The following APOL2 variants were observed in gnomAD, a reference collection of about 807,000 sequenced individuals.
APOL2 encodes the protein apolipoprotein L, 2.
APOL2 carries 8 observed loss-of-function variants against 7.1 expected under a neutral mutation model. The ratio of observed to expected loss-of-function variants is 1.12; its 90% CI spans 0.66 to 2.03. The LOEUF (loss-of-function observed/expected upper bound fraction) is 2.03. Among genes scored for constraint, APOL2 ranks in the 30% most tolerant of loss-of-function variants. The pLI is 0.00. For synonymous variants in APOL2, 177 were observed against 159.9 expected (o/e 1.11, Z -0.81); for missense variants, 471 against 415.1 (o/e 1.13, Z -1.17).
chr22:36,233,829 T>C (rs2015312608), intron 1 of APOL2, among the ~76,000 whole-genome samples: 1 of 152,200 alleles, frequency 6.6e-6, no homozygotes, highest in South Asian at 2.1e-4. Flanking sequence ...AAATATACAA[T>C]ATTGAGTCAT....
intron 3 of APOL2, among the ~76,000 whole-genome samples, chr22:36,231,833 C>T (rs2015236740): frequency 6.6e-6 from 1 of 152,182 alleles, no homozygotes. Flanking sequence ...AGAGAGTCCT[C>T]CCAAGGCTCC....
intron 1 of APOL2, chr22:36,236,939 G>T: frequency 7.6e-7 from 1 of 1,323,874 alleles, no homozygotes; most frequent in Non-Finnish European, 9.6e-7. Context: ...TTCCTGCTTT[G>T]TTCACTCTGT....
At chr22:36,230,932 C>A (rs879849585) in intron 4 of APOL2, among the ~76,000 whole-genome samples, 1 of 152,218 alleles carries the variant, frequency 6.6e-6, no homozygotes, top group East Asian at 1.9e-4. Flanking sequence ...AGATCCTTAA[C>A]CCTGGTCTCT....
chr22:36,232,630 G>A (rs747680592), intron 3 of APOL2, among the ~76,000 whole-genome samples: 18 of 152,282 alleles, frequency 1.2e-4, no homozygotes, highest in Middle Eastern at 3.4e-3. Flanking sequence ...AGGCCAGACC[G>A]GGGTCCATTT....
At chr22:36,229,711 G>C (rs2015150506) in intron 4 of APOL2, among the ~76,000 whole-genome samples, 1 of 152,182 alleles carries the variant, frequency 6.6e-6, no homozygotes, top group Admixed American at 6.5e-5. Flanking sequence ...GGTGTCAAAG[G>C]TAAGGGTGCC....
chr22:36,237,273 T>C, intron 1 of APOL2: 1 of 1,360,352 alleles, frequency 7.4e-7, no homozygotes. Flanking sequence ...GAGCCCTCCC[T>C]CCCACCTCAG....
At position 36,226,822 on chromosome 22, in the gene APOL2, G is replaced by A. The variant is rs2015009057; in HGVS notation, c.*582C>T. The A allele has an allele frequency of 6.3e-6, 1 of 159,094 alleles. No homozygotes were observed. The highest frequency in any genetic ancestry group is 1.7e-4 in the South Asian group (1 of 5,770). The allele number at this position is 159,094 out of a possible 1,614,324, so 9.9% of individuals were successfully genotyped here. On this transcript the variant is annotated 3_prime_UTR_variant, in exon 5 of 5. Coordinates refer to ENST00000358502, the MANE Select transcript of APOL2 (RefSeq NM_030882.4). ...CGCCCAATATATTCTTTAGTCCAAA[G>A]TAAACTACTTCTTCCCATTCCCCAC...
chr22:36,227,338 AAAAG>A lies in APOL2; in HGVS notation c.*62_*65del. 4 of 1,373,938 alleles carry A rather than the reference AAAAG, an allele frequency of 2.9e-6. No individual in the cohort carries two copies. The highest frequency in any genetic ancestry group is 2.9e-5 in the South Asian group (2 of 68,132). 85.1% of individuals were successfully genotyped at this position (1,373,938 alleles called of 1,614,324 possible). A position where few individuals can be genotyped will look rare whatever the true frequency, so the allele number is the denominator to read the frequency against. On this transcript the variant is annotated 3_prime_UTR_variant, in exon 5 of 5. Coordinates refer to ENST00000358502, the MANE Select transcript of APOL2 (RefSeq NM_030882.4). Reference sequence around the variant, plus strand: ...CTCAAAAAAAAAAAAAAAAAAAAAAAAAAGTCTGCATTTTGTCCTGGCCTGTGCC... The same window carrying A: ...CTCAAAAAAAAAAAAAAAAAAAAAAATCTGCATTTTGTCCTGGCCTGTGCC...
chr22:36,228,168 C>CT lies in APOL2; in HGVS notation c.249dup (p.Glu84ArgfsTer10). 6.2e-7 allele frequency: 1 copy of CT among 1,614,224 alleles called. No homozygotes were observed. Among genetic ancestry groups the CT allele is most frequent in the South Asian group, 1.1e-5 (1 of 91,088 alleles). On this transcript the variant is annotated frameshift_variant, in exon 5 of 5. Transcript: ENST00000358502. LOFTEE classifies it low-confidence loss of function (END_TRUNC). ...AGCTCCCTTTTCAACCGAGGAAACT[C>CT]TTTCAAAAACCACTGCCTGTGCTGC...
chr22:36,239,049 A>T, intron 1 of APOL2: 1 of 974,466 alleles, frequency 1.0e-6, no homozygotes, highest in Non-Finnish European at 1.3e-6. Flanking sequence ...GGCCACAAGG[A>T]CATGCCGGGC....
In APOL2 at chr22:36,233,153, C is replaced by A. The variant is rs369772901; in HGVS notation, c.10G>T (p.Glu4Ter). The A allele has an allele frequency of 1.5e-5, 24 of 1,613,978 alleles. No individual in the cohort carries two copies. The highest frequency in any genetic ancestry group is 2.0e-5 in the Non-Finnish European group (24 of 1,179,984). ...GCCAGGAAAGAGGAAGCGAGCCTAC[C>A]TGGGTTCATGGTGCCAGCGGCTGGG... MNP[E>*]SSIFIEDYLK... Residue 4 changes from glutamate (E) to a stop codon, truncating the protein, a stop_gained and splice_region_variant, in exon 3 of 5, where the codon GAG becomes TAG. Transcript: ENST00000358502. LOFTEE classifies it high-confidence loss of function.
chr22:36,235,748 GGTGGGTGGGTGTGTGT>G (rs2015379626), intron 1 of APOL2, among the ~76,000 whole-genome samples: 1 of 110,696 alleles, frequency 9.0e-6, no homozygotes, highest in Non-Finnish European at 1.8e-5. Context: ...AGAAAGGGTG[GGTGGGTGGGTGTGTGT>G]GTGTGTGTGT....
Position 36,231,427 on chromosome 22 carries a change from T to G in APOL2, c.50A>C (p.Gln17Pro). ...IFIEDYLKYFQDQVSRENLLQ... is the reference protein window; with the variant it reads ...IFIEDYLKYFPDQVSRENLLQ... Reference sequence around the variant, plus strand: ...CAGATTCTCTCTGCTCACTTGGTCCTGGAAATACTTAAGGTAATCCTCAAT... The same window carrying G: ...CAGATTCTCTCTGCTCACTTGGTCCGGGAAATACTTAAGGTAATCCTCAAT... Residue 17 changes from glutamine (Q) to proline (P), a missense_variant, in exon 4 of 5, where the codon CAG becomes CCG. Gln to Pro is a moderately conservative substitution (Grantham distance 76). Transcript: ENST00000358502. 6.2e-7 allele frequency: 1 copy of G among 1,614,132 alleles called. No individual in the cohort carries two copies. The highest frequency in any genetic ancestry group is 8.5e-7 in the Non-Finnish European group (1 of 1,179,942).
rs372524875 is a variant in APOL2 at position 36,235,730 on chromosome 22, C to T, written c.-133-2275G>A. Among the ~76,000 whole-genome samples, 15 of 129,548 alleles carry T rather than the reference C, an allele frequency of 1.2e-4. No individual in the cohort carries two copies. In the East Asian group the frequency reaches 1.3e-3, roughly 11 times the overall value. The allele number at this position is 129,548 out of a possible 152,430, so 85.0% of individuals were successfully genotyped here. ...AGAAAGCTACTTGAGAATGAGCCACCGGGAGGAAGAAAGGGTGGGTGGGTG... is the reference window on the plus strand; with the variant it reads ...AGAAAGCTACTTGAGAATGAGCCACTGGGAGGAAGAAAGGGTGGGTGGGTG... On this transcript the variant is annotated intron_variant, in intron 1 of 4. Coordinates refer to ENST00000358502, the MANE Select transcript of APOL2 (RefSeq NM_030882.4).
chr22:36,231,427 T>C lies in APOL2; in HGVS notation c.50A>G (p.Gln17Arg). Residue 17 changes from glutamine (Q) to arginine (R), a missense_variant, in exon 4 of 5, where the codon CAG becomes CGG. By Grantham distance (43) the Gln-to-Arg change is conservative. Transcript: ENST00000358502. The stretch of plus-strand genomic sequence containing the variant: ...CAGATTCTCTCTGCTCACTTGGTCC[T>C]GGAAATACTTAAGGTAATCCTCAAT... The part of the protein sequence containing the change: ...IFIEDYLKYF[Q>R]DQVSRENLLQ... 6.2e-7 allele frequency: 1 copy of C among 1,614,132 alleles called. No individual in the cohort carries two copies. The highest frequency in any genetic ancestry group is 1.3e-5 in the African/African-American group (1 of 75,066).
At chr22:36,235,756 GGTGTGTGTGTGTGT>G (rs869225053) in intron 1 of APOL2, among the ~76,000 whole-genome samples, 1 of 113,064 alleles carries the variant, frequency 8.8e-6, no homozygotes, top group Admixed American at 9.2e-5. Context: ...TGGGTGGGTG[GGTGTGTGTGTGTGT>G]GTGTGTGTGT....
chr22:36,231,764 A>G (rs192222638), intron 3 of APOL2, among the ~76,000 whole-genome samples: 20 of 152,316 alleles, frequency 1.3e-4, no homozygotes, highest in East Asian at 7.7e-4. Flanking sequence ...TAAGAAGAGA[A>G]AGAGAAACAA....
chr22:36,232,469 T>C (rs2015255949), intron 3 of APOL2, among the ~76,000 whole-genome samples: 1 of 152,116 alleles, frequency 6.6e-6, no homozygotes, highest in South Asian at 2.1e-4. Flanking sequence ...TGCAAACTAA[T>C]TCTTAGGGAG....
At chr22:36,229,333 T>C (rs1386467116) in intron 4 of APOL2, among the ~76,000 whole-genome samples, 1 of 152,182 alleles carries the variant, frequency 6.6e-6, no homozygotes, top group African/African-American at 2.4e-5. Flanking sequence ...GTCTTTACTA[T>C]ATTTGGAGCT....
Sources: gnomAD v4.1 joint callset for allele counts (sites outside exome capture counted in the v4.1 genomes callset) on GRCh38, gnomAD v4.1.1 for gene constraint, MANE v1.5 for transcripts, NCBI Gene and HGNC (gene_info 2026-07-23, HGNC 2026-07-21) for gene names.